Variants in BMAL2 observed in about 807,000 individuals in gnomAD.
The protein encoded by BMAL2 is basic helix-loop-helix ARNT like 2, also known as basic helix-loop-helix ARNT-like protein 2.
chr12:27,404,957 T>C, the BMAL2 span, among the ~76,000 whole-genome samples: 3 of 152,212 alleles, frequency 2.0e-5, no homozygotes, highest in South Asian at 2.1e-4. Flanking sequence ...TTATATCCCA[T>C]GCCTGGCTCG....
At chr12:27,414,769 G>C in the BMAL2 span, among the ~76,000 whole-genome samples, 1 of 151,974 alleles carries the variant, frequency 6.6e-6, no homozygotes, top group African/African-American at 2.4e-5. Context: ...CAGAAGGAAG[G>C]AAATTATCAG....
At chr12:27,374,202 A>G in the BMAL2 span, among the ~76,000 whole-genome samples, 3 of 152,158 alleles carry the variant, frequency 2.0e-5, no homozygotes, top group African/African-American at 7.2e-5. Context: ...AGTAATGTAT[A>G]TATACATACA....
the BMAL2 span, among the ~76,000 whole-genome samples, chr12:27,417,733 C>T: frequency 6.6e-6 from 1 of 152,116 alleles, no homozygotes; most frequent in Admixed American, 6.6e-5. Context: ...GTGGCTCACA[C>T]CTGTAATCCC....
chr12:27,382,291 C>T, the BMAL2 span, among the ~76,000 whole-genome samples: 4 of 152,232 alleles, frequency 2.6e-5, no homozygotes, highest in Non-Finnish European at 4.4e-5. Flanking sequence ...ATGAATCAGT[C>T]GACTAGTTCA....
At chr12:27,381,269 A>G in the BMAL2 span, among the ~76,000 whole-genome samples, 1 of 152,174 alleles carries the variant, frequency 6.6e-6, no homozygotes, top group Non-Finnish European at 1.5e-5. Context: ...TAATAAATGT[A>G]TATGTGTACC....
At chr12:27,335,880 T>A in the BMAL2 span, among the ~76,000 whole-genome samples, 1 of 151,990 alleles carries the variant, frequency 6.6e-6, no homozygotes, top group Non-Finnish European at 1.5e-5. Flanking sequence ...AAACTAACGT[T>A]TAAAATATAT....
the BMAL2 span, among the ~76,000 whole-genome samples, chr12:27,380,643 T>C: frequency 2.0e-5 from 3 of 152,160 alleles, no homozygotes; most frequent in African/African-American, 7.2e-5. Context: ...CCTTGAAAGG[T>C]ATTTACATTT....
At chr12:27,371,838 A>C in the BMAL2 span, among the ~76,000 whole-genome samples, 4 of 152,176 alleles carry the variant, frequency 2.6e-5, no homozygotes, top group Non-Finnish European at 4.4e-5. Context: ...CTATTTCTAA[A>C]ACTTTTAAAT....
At chr12:27,420,890 CT>C in the BMAL2 span, 1 of 167,006 alleles carries the variant, frequency 6.0e-6, no homozygotes, top group Non-Finnish European at 1.3e-5. Flanking sequence ...TGATGTTTTC[CT>C]TTGTGTCTAA....
chr12:27,360,819 A>AAAAAAAAAAAAAAAAAAAAAAAAAT, the BMAL2 span, among the ~76,000 whole-genome samples: 1 of 149,836 alleles, frequency 6.7e-6, no homozygotes, highest in African/African-American at 2.4e-5. Context: ...AAAAAAAAAA[A>AAAAAAAAAAAAAAAAAAAAAAAAAT]AAAAAACAGT....
At chr12:27,379,817 T>C in the BMAL2 span, among the ~76,000 whole-genome samples, 4 of 152,048 alleles carry the variant, frequency 2.6e-5, no homozygotes, top group Non-Finnish European at 4.4e-5. Context: ...GTTTTTTTTT[T>C]CAGGGGGAAG....
the BMAL2 span, chr12:27,390,272 A>G: frequency 3.2e-5 from 51 of 1,602,290 alleles, no homozygotes; most frequent in African/African-American, 6.4e-4. Context: ...GATGCAAAGC[A>G]TGGCTATAAA....
chr12:27,409,124 G>T, the BMAL2 span, among the ~76,000 whole-genome samples: 11 of 152,162 alleles, frequency 7.2e-5, no homozygotes, highest in African/African-American at 2.7e-4. Context: ...AACATTCCAT[G>T]CTCATGGGTA....
chr12:27,397,066 GTTTGTTTGTTTA>G, the BMAL2 span, among the ~76,000 whole-genome samples: 436 of 147,442 alleles, frequency 3.0e-3, 2 homozygotes, highest in African/African-American at 0.011. Flanking sequence ...TTGTTTGTTT[GTTTGTTTGTTTA>G]TTTATTTATT....
At chr12:27,333,401 A>C in the BMAL2 span, among the ~76,000 whole-genome samples, 1 of 152,146 alleles carries the variant, frequency 6.6e-6, no homozygotes, top group African/African-American at 2.4e-5. Context: ...CATTGGCGAA[A>C]GGGAGCCAGC....
At chr12:27,347,257 T>C in the BMAL2 span, among the ~76,000 whole-genome samples, 1 of 152,118 alleles carries the variant, frequency 6.6e-6, no homozygotes, top group Non-Finnish European at 1.5e-5. Flanking sequence ...GGCTATTTTA[T>C]GTACATCAAA....
the BMAL2 span, among the ~76,000 whole-genome samples, chr12:27,375,544 A>G: frequency 6.6e-6 from 1 of 152,206 alleles, no homozygotes; most frequent in Admixed American, 6.5e-5. Flanking sequence ...TGGCTAAGCT[A>G]AATAATCATT....
the BMAL2 span, among the ~76,000 whole-genome samples, chr12:27,345,792 C>G: frequency 3.3e-5 from 5 of 152,188 alleles, no homozygotes; most frequent in African/African-American, 4.8e-5. Flanking sequence ...GCATGACCCA[C>G]CACACCTGGC....
the BMAL2 span, among the ~76,000 whole-genome samples, chr12:27,399,524 G>A: frequency 4.7e-4 from 71 of 152,266 alleles, no homozygotes; most frequent in African/African-American, 1.7e-3. Context: ...TGAGTTATAC[G>A]TTTAAAGCAC....
Sources: gnomAD v4.1 joint callset for allele counts (sites outside exome capture counted in the v4.1 genomes callset) on GRCh38, gnomAD v4.1.1 for gene constraint, MANE v1.5 for transcripts, NCBI Gene and HGNC (gene_info 2026-07-23, HGNC 2026-07-21) for gene names.